SRGAP2: variants seen among roughly 807,000 people sequenced by gnomAD.
SRGAP2 encodes the protein SLIT-ROBO Rho GTPase activating protein 2, also known as SLIT-ROBO Rho GTPase-activating protein 2.
SRGAP2 carries 15 observed loss-of-function variants against 57.2 expected under a neutral mutation model. The ratio of observed to expected loss-of-function variants is 0.26; its 90% CI spans 0.18 to 0.40. The LOEUF (loss-of-function observed/expected upper bound fraction) is 0.40, where lower values mean the gene tolerates loss of function less well. Among genes scored for constraint, SRGAP2 ranks in the 10% least tolerant of loss-of-function variants. The pLI is 1.00. For missense variants in SRGAP2, 520 were observed against 669.6 expected (o/e 0.78, Z 2.47); for synonymous variants, 249 against 248.0 (o/e 1.00, Z -0.04).
At chr1:206,266,763 G>A (rs1490517815) in intron 2 of SRGAP2, among the ~76,000 whole-genome samples, 1 of 147,806 alleles carries the variant, frequency 6.8e-6, no homozygotes. Flanking sequence ...ATTCCATAAG[G>A]AATAATCCAA....
At chr1:206,253,228 G>C (rs1668948583) in intron 2 of SRGAP2, among the ~76,000 whole-genome samples, 1 of 151,638 alleles carries the variant, frequency 6.6e-6, no homozygotes, top group African/African-American at 2.4e-5. Context: ...TTAGATGTGG[G>C]TGGAGATGAG....
In SRGAP2 at chr1:206,378,448, C is replaced by T. The variant is rs530047037; in HGVS notation, c.424-5566C>T. ...GCTGCAGTGAGCTATGATCAGGCCA[C>T]TGCATTCTAGCCTGGGCAATAGAGC... On this transcript the variant is annotated intron_variant, in intron 4 of 22. Coordinates refer to ENST00000573034, the MANE Select transcript of SRGAP2 (RefSeq NM_015326.5). 2.6e-5 allele frequency among the ~76,000 whole-genome samples: 4 copies of T among 152,112 alleles called. No individual in the cohort carries two copies. The East Asian group carries it at 7.7e-4, about 29-fold the overall frequency.
At chr1:206,418,848 C>T (rs548751299) in intron 11 of SRGAP2, among the ~76,000 whole-genome samples, 6 of 151,864 alleles carry the variant, frequency 4.0e-5, no homozygotes, top group South Asian at 4.2e-4. Flanking sequence ...TGTTCTCTCC[C>T]GCAAACAACT....
At chr1:206,459,483 G>A in intron 22 of SRGAP2, among the ~76,000 whole-genome samples, 1 of 152,306 alleles carries the variant, frequency 6.6e-6, no homozygotes, top group South Asian at 2.1e-4. Flanking sequence ...AGGATTTGCA[G>A]CCCAAGCCTC....
intron 20 of SRGAP2, chr1:206,453,961 C>G: frequency 1.7e-6 from 1 of 576,748 alleles, no homozygotes; most frequent in Non-Finnish European, 3.1e-6. Context: ...GAAACCTGAA[C>G]TGGTCCCAGA....
At chr1:206,358,144 T>G (rs376997179) in intron 4 of SRGAP2, among the ~76,000 whole-genome samples, 3 of 152,236 alleles carry the variant, frequency 2.0e-5, no homozygotes, top group African/African-American at 7.2e-5. Flanking sequence ...ACGCCTGAGC[T>G]TGGGCCCTGG....
chr1:206,430,117 C>A (rs1440393830), intron 13 of SRGAP2, 45 bp from the exon 14 acceptor site: 1 of 780,048 alleles, frequency 1.3e-6, no homozygotes, highest in African/African-American at 1.7e-5. Context: ...CCTGGGCTAT[C>A]CCTGTTTGAA....
In SRGAP2 at chr1:206,435,940, A is replaced by C. The variant is rs35604154; in HGVS notation, c.1556-1025A>C. Among the ~76,000 whole-genome samples, 1,279 of 152,300 alleles carry C rather than the reference A, an allele frequency of 8.4e-3. 13 individuals are homozygous for C. The highest frequency in any genetic ancestry group is 0.027 in the Middle Eastern group (8 of 294). On this transcript the variant is annotated intron_variant, in intron 14 of 22. Coordinates refer to ENST00000573034, the MANE Select transcript of SRGAP2 (RefSeq NM_015326.5). Reference sequence around the variant, plus strand: ...ATAACATTCATGCATGTTTGTCTTTAGAGTAAAGCTGTAGTCAGGAACCAG... The same window carrying C: ...ATAACATTCATGCATGTTTGTCTTTCGAGTAAAGCTGTAGTCAGGAACCAG...
intron 3 of SRGAP2, among the ~76,000 whole-genome samples, chr1:206,318,422 G>A (rs1673203472): frequency 6.6e-6 from 1 of 152,100 alleles, no homozygotes; most frequent in Non-Finnish European, 1.5e-5. Flanking sequence ...TACATTGACT[G>A]GATTTGTCAG....
intron 10 of SRGAP2, among the ~76,000 whole-genome samples, chr1:206,410,705 T>C (rs1659142802): frequency 6.6e-6 from 1 of 152,212 alleles, no homozygotes; most frequent in South Asian, 2.1e-4. Flanking sequence ...TTTATGTTAG[T>C]CCCAAAAGAT....
intron 2 of SRGAP2, among the ~76,000 whole-genome samples, chr1:206,232,083 G>C (rs1553307157): frequency 1.3e-5 from 2 of 151,402 alleles, no homozygotes; most frequent in African/African-American, 4.9e-5. Context: ...AGAGTCCACA[G>C]CTTCAGAATG....
intron 20 of SRGAP2, chr1:206,453,927 G>A (rs951335589): frequency 1.8e-6 from 1 of 542,974 alleles, no homozygotes; most frequent in Non-Finnish European, 3.3e-6. Flanking sequence ...GGGGAAGGAG[G>A]GAAAAGGATG....
chr1:206,434,675 T>G (rs1661575193), intron 14 of SRGAP2, among the ~76,000 whole-genome samples: 1 of 152,168 alleles, frequency 6.6e-6, no homozygotes, highest in Admixed American at 6.5e-5. Flanking sequence ...CACATAGTAG[T>G]CCCTCCAAAA....
intron 16 of SRGAP2, 37 bp from the exon 17 acceptor site, chr1:206,439,939 C>T (rs543114047): frequency 1.3e-6 from 1 of 776,444 alleles, no homozygotes; most frequent in South Asian, 1.4e-5. Flanking sequence ...GGATCCCAGT[C>T]ATAGTGGAGG....
At chr1:206,208,992 T>G (rs1286143480) in intron 2 of SRGAP2, among the ~76,000 whole-genome samples, 2 of 148,914 alleles carry the variant, frequency 1.3e-5, no homozygotes, top group Admixed American at 6.7e-5. Flanking sequence ...GAGTTGTTGA[T>G]GAGATATATA....
At chr1:206,388,246 T>C (rs1656492622) in intron 5 of SRGAP2, among the ~76,000 whole-genome samples, 1 of 152,220 alleles carries the variant, frequency 6.6e-6, no homozygotes, top group Non-Finnish European at 1.5e-5. Context: ...TACATCCCCT[T>C]GGCTTGGAGC....
chr1:206,456,406 A>C (rs1264833445), intron 21 of SRGAP2, among the ~76,000 whole-genome samples: 4 of 152,208 alleles, frequency 2.6e-5, no homozygotes, highest in Non-Finnish European at 5.9e-5. Flanking sequence ...TGGGCTAATC[A>C]CATTTTTTTC....
chr1:206,260,434 T>G (rs1396186117), intron 2 of SRGAP2, among the ~76,000 whole-genome samples: 5 of 152,218 alleles, frequency 3.3e-5, no homozygotes, highest in Non-Finnish European at 5.9e-5. Context: ...CACTCCTGTC[T>G]GGTCCACCCT....
intron 5 of SRGAP2, among the ~76,000 whole-genome samples, chr1:206,391,879 G>C (rs1270721998): frequency 6.6e-6 from 1 of 151,702 alleles, no homozygotes; most frequent in Non-Finnish European, 1.5e-5. Context: ...TGCTTTGATG[G>C]AAAATCATCC....
Sources: gnomAD v4.1 joint callset for allele counts (sites outside exome capture counted in the v4.1 genomes callset) on GRCh38, gnomAD v4.1.1 for gene constraint, MANE v1.5 for transcripts, NCBI Gene and HGNC (gene_info 2026-07-23, HGNC 2026-07-21) for gene names.